The following TAS2R1 variants were observed in gnomAD, a reference collection of about 807,000 sequenced individuals.
TAS2R1 encodes taste receptor type 2 member 1.
For missense variants in TAS2R1, 370 were observed against 353.4 expected (o/e 1.05, Z -0.38); for synonymous variants, 141 against 134.2 (o/e 1.05, Z -0.35).
the TAS2R1 span, among the ~76,000 whole-genome samples, chr5:9,882,788 G>A: frequency 2.6e-5 from 4 of 152,124 alleles, no homozygotes; most frequent in African/African-American, 9.7e-5. Flanking sequence ...CCTGGAACCA[G>A]AAATATCACT....
intron 2 of TAS2R1, among the ~76,000 whole-genome samples, chr5:9,637,546 T>C (rs1019380277): frequency 1.3e-5 from 2 of 152,202 alleles, no homozygotes; most frequent in African/African-American, 4.8e-5. Context: ...ATATCTCTTC[T>C]TCCTCAGAAA....
chr5:9,856,583 A>G, the TAS2R1 span, among the ~76,000 whole-genome samples: 5 of 152,338 alleles, frequency 3.3e-5, no homozygotes, highest in East Asian at 7.7e-4. Flanking sequence ...CACAGATTAC[A>G]AACTTGTTTA....
chr5:9,660,892 C>A (rs987999018), intron 1 of TAS2R1, among the ~76,000 whole-genome samples: 1 of 152,128 alleles, frequency 6.6e-6, no homozygotes, highest in Non-Finnish European at 1.5e-5. Context: ...GTTATAGGAG[C>A]TCAGGGCAGC....
the TAS2R1 span, among the ~76,000 whole-genome samples, chr5:9,852,554 G>C: frequency 1.3e-5 from 2 of 152,142 alleles, no homozygotes; most frequent in African/African-American, 4.8e-5. Context: ...AGAGAACTGT[G>C]ATTCATAAGG....
chr5:9,787,641 T>C, the TAS2R1 span, among the ~76,000 whole-genome samples: 1 of 152,228 alleles, frequency 6.6e-6, no homozygotes, highest in African/African-American at 2.4e-5. Flanking sequence ...AATTTATTTC[T>C]TGACTGTCTT....
At chr5:9,850,063 A>G in the TAS2R1 span, among the ~76,000 whole-genome samples, 1 of 152,106 alleles carries the variant, frequency 6.6e-6, no homozygotes, top group Non-Finnish European at 1.5e-5. Flanking sequence ...AAGTCCCTCA[A>G]CTATGCATGG....
intron 2 of TAS2R1, among the ~76,000 whole-genome samples, chr5:9,651,259 C>T (rs1422691404): frequency 6.6e-6 from 1 of 152,116 alleles, no homozygotes; most frequent in African/African-American, 2.4e-5. Context: ...CTGGATTAAT[C>T]CTCATTGTGG....
chr5:9,631,672 T>C (rs1390068972), upstream of TAS2R1, among the ~76,000 whole-genome samples: 1 of 152,244 alleles, frequency 6.6e-6, no homozygotes, highest in Non-Finnish European at 1.5e-5. Flanking sequence ...TAATGAAGCA[T>C]ATGTCTTAAT....
At chr5:9,866,046 C>G in the TAS2R1 span, among the ~76,000 whole-genome samples, 1 of 152,048 alleles carries the variant, frequency 6.6e-6, no homozygotes. Context: ...TCATTATGAC[C>G]CATATATCTC....
At chr5:9,703,603 C>T (rs1052219667) in intron 1 of TAS2R1, among the ~76,000 whole-genome samples, 71 of 152,252 alleles carry the variant, frequency 4.7e-4, no homozygotes, top group Admixed American at 4.4e-3. Context: ...GACCAATCCC[C>T]GGTAAGCTAT....
the TAS2R1 span, among the ~76,000 whole-genome samples, chr5:9,903,053 C>T: frequency 2.0e-5 from 3 of 151,938 alleles, no homozygotes; most frequent in Non-Finnish European, 4.4e-5. Flanking sequence ...AATAATGGGT[C>T]ATCCGTCCCC....
chr5:9,873,358 C>G, the TAS2R1 span, among the ~76,000 whole-genome samples: 1 of 151,478 alleles, frequency 6.6e-6, no homozygotes, highest in South Asian at 2.1e-4. Flanking sequence ...TGGCCCCACA[C>G]AGGGGTGCCC....
the TAS2R1 span, among the ~76,000 whole-genome samples, chr5:9,744,685 G>A: frequency 1.3e-5 from 2 of 152,258 alleles, no homozygotes; most frequent in South Asian, 4.1e-4. Flanking sequence ...GGCCCCCAAA[G>A]ACATCCACAT....
chr5:9,677,740 C>T (rs1379796800), intron 1 of TAS2R1, among the ~76,000 whole-genome samples: 8 of 152,172 alleles, frequency 5.3e-5, no homozygotes, highest in Non-Finnish European at 1.0e-4. Context: ...GAAAATGGTA[C>T]AGCCACTTTA....
At chr5:9,762,143 T>C in the TAS2R1 span, among the ~76,000 whole-genome samples, 1 of 152,166 alleles carries the variant, frequency 6.6e-6, no homozygotes, top group Non-Finnish European at 1.5e-5. Flanking sequence ...AATAAAAGAA[T>C]ATGCTGTCTA....
chr5:9,861,290 G>A, the TAS2R1 span, among the ~76,000 whole-genome samples: 97,046 of 151,554 alleles, frequency 0.64, 31,108 homozygotes, highest in African/African-American at 0.69. Context: ...GCCCACGCAC[G>A]GATCACTTTA....
At chr5:9,740,307 G>T in the TAS2R1 span, among the ~76,000 whole-genome samples, 1 of 152,184 alleles carries the variant, frequency 6.6e-6, no homozygotes, top group African/African-American at 2.4e-5. Context: ...GTGAGACCTT[G>T]AAAGATTACA....
chr5:9,682,994 A>C (rs1427440232), intron 1 of TAS2R1, among the ~76,000 whole-genome samples: 3 of 152,202 alleles, frequency 2.0e-5, no homozygotes, highest in Non-Finnish European at 4.4e-5. Context: ...GATCAGCTAA[A>C]TTCTGAGGGA....
the TAS2R1 span, among the ~76,000 whole-genome samples, chr5:9,811,219 C>T: frequency 1.3e-5 from 2 of 152,158 alleles, no homozygotes; most frequent in African/African-American, 4.8e-5. Context: ...ATCTGTGAAC[C>T]AGGAACTGGT....
Sources: gnomAD v4.1 joint callset for allele counts (sites outside exome capture counted in the v4.1 genomes callset) on GRCh38, gnomAD v4.1.1 for gene constraint, MANE v1.5 for transcripts, NCBI Gene and HGNC (gene_info 2026-07-23, HGNC 2026-07-21) for gene names.